RHOU: variants seen among roughly 807,000 people sequenced by gnomAD.
The protein encoded by RHOU is ras homolog family member U, also known as rho-related GTP-binding protein RhoU.
A neutral mutation model predicts 12.6 loss-of-function variants in RHOU; 8 were observed. The ratio of observed to expected loss-of-function variants is 0.64; its 90% CI spans 0.37 to 1.15. RHOU has a LOEUF of 1.15. RHOU is among the 50% of genes most tolerant of loss of function. The probability of loss-of-function intolerance (pLI) is 0.01; values close to 1 mark genes in which losing one functional copy is unlikely to be tolerated. For synonymous variants in RHOU, 161 were observed against 147.4 expected, an observed-to-expected ratio of 1.09 and a Z score of -0.67; for missense variants, 258 against 347.0, an observed-to-expected ratio of 0.74 and a Z score of 2.04.
At chr1:228,711,037 A>G in the RHOU span, among the ~76,000 whole-genome samples, 1 of 152,160 alleles carries the variant, frequency 6.6e-6, no homozygotes, top group African/African-American at 2.4e-5. Flanking sequence ...GAGCCAAATC[A>G]TGAGTGAACT....
At chr1:228,690,324 G>GT in the RHOU span, among the ~76,000 whole-genome samples, 300 of 144,794 alleles carry the variant, frequency 2.1e-3, 1 homozygote, top group South Asian at 0.02. Context: ...TAGTTTGTTT[G>GT]TTTTTTTTTT....
the RHOU span, among the ~76,000 whole-genome samples, chr1:228,696,770 C>G: frequency 6.6e-6 from 1 of 151,990 alleles, no homozygotes; most frequent in Non-Finnish European, 1.5e-5. Context: ...TGGTCTCGAA[C>G]TCCGAGGCTC....
rs1172373272 is a variant in RHOU, at chr1:228,738,958, T to TA, written c.321+1234dup. On this transcript the variant is annotated intron_variant, in intron 2 of 2. Transcript: ENST00000366691. The surrounding 1 kb of genome is among the most constrained non-coding windows in gnomAD (Gnocchi z 4.2). ...ATAGCAAGACATCATCTCTACAAAA[T>TA]AAAAAAATTAGCCTGGTGTGGTGGC... Among the ~76,000 whole-genome samples the TA allele has an allele frequency of 6.6e-6, 1 of 151,342 alleles. No individual in the cohort carries two copies. The highest frequency in any genetic ancestry group is 2.4e-5 in the African/African-American group (1 of 41,182).
chr1:228,672,140 T>C, the RHOU span, among the ~76,000 whole-genome samples: 2 of 152,244 alleles, frequency 1.3e-5, no homozygotes, highest in African/African-American at 2.4e-5. Context: ...GGCCTTCATT[T>C]TGATATAATT....
chr1:228,710,959 A>G, the RHOU span, among the ~76,000 whole-genome samples: 3 of 151,538 alleles, frequency 2.0e-5, no homozygotes, highest in South Asian at 2.1e-4. Flanking sequence ...CAACTTCAGC[A>G]AAGTCTCAGG....
In RHOU at chr1:228,738,975, T is replaced by C. The variant is rs1413587153; in HGVS notation, c.321+1244T>C. Among the ~76,000 whole-genome samples the C allele has an allele frequency of 6.6e-6, 1 of 151,862 alleles. No individual in the cohort carries two copies. Among genetic ancestry groups the C allele is most frequent in the African/African-American group, 2.4e-5 (1 of 41,328 alleles). On this transcript the variant is annotated intron_variant, in intron 2 of 2. Transcript: ENST00000366691. This position sits in a 1 kb window ranked among gnomAD's most constrained non-coding sequence, Gnocchi z 4.2. ...CTACAAAATAAAAAAATTAGCCTGG[T>C]GTGGTGGCACTGTCTGTAGTCCCAG...
the RHOU span, among the ~76,000 whole-genome samples, chr1:228,714,194 G>A: frequency 6.6e-6 from 1 of 152,002 alleles, no homozygotes; most frequent in African/African-American, 2.4e-5. Flanking sequence ...CTTGGCCATG[G>A]TGTATTATTT....
chr1:228,668,524 G>A, the RHOU span, among the ~76,000 whole-genome samples: 2 of 152,142 alleles, frequency 1.3e-5, no homozygotes, highest in Non-Finnish European at 2.9e-5. Flanking sequence ...GCTGGTGTCG[G>A]AGAAATGGTC....
the RHOU span, chr1:228,650,267 C>T: frequency 5.0e-5 from 23 of 460,622 alleles, no homozygotes; most frequent in African/African-American, 7.9e-5. Flanking sequence ...GGGTCGCTGG[C>T]GCCAGTGTGC....
chr1:228,674,690 A>G, the RHOU span, among the ~76,000 whole-genome samples: 1 of 150,608 alleles, frequency 6.6e-6, no homozygotes, highest in African/African-American at 2.4e-5. Flanking sequence ...TTCCTACCAC[A>G]AGGTCATGAC....
the RHOU span, among the ~76,000 whole-genome samples, chr1:228,708,667 A>C: frequency 3.9e-5 from 6 of 152,124 alleles, no homozygotes; most frequent in Admixed American, 6.5e-5. Context: ...AGCACTAAAC[A>C]TGGAAAGGAA....
the RHOU span, among the ~76,000 whole-genome samples, chr1:228,656,695 G>A: frequency 6.6e-6 from 1 of 151,730 alleles, no homozygotes; most frequent in South Asian, 2.1e-4. Flanking sequence ...ATATACAAAA[G>A]GAAATGAGAA....
At chr1:228,671,457 C>CT in the RHOU span, among the ~76,000 whole-genome samples, 1 of 151,876 alleles carries the variant, frequency 6.6e-6, no homozygotes, top group East Asian at 1.9e-4. Context: ...TGGGTCATGC[C>CT]TGTAATCCAA....
chr1:228,649,746 T>C, the RHOU span, among the ~76,000 whole-genome samples: 2 of 152,222 alleles, frequency 1.3e-5, no homozygotes, highest in Non-Finnish European at 2.9e-5. Flanking sequence ...CAAATGTTTA[T>C]AAAAGAGACA....
At chr1:228,663,610 C>CTTTTT in the RHOU span, among the ~76,000 whole-genome samples, 2 of 84,862 alleles carry the variant, frequency 2.4e-5, no homozygotes, top group East Asian at 3.5e-4. Flanking sequence ...TTTTTCTTTT[C>CTTTTT]TTTTCTTTTC....
At chr1:228,716,726 G>A in the RHOU span, among the ~76,000 whole-genome samples, 13 of 96,300 alleles carry the variant, frequency 1.3e-4, no homozygotes, top group Non-Finnish European at 2.0e-4. Context: ...ATGTGTGTGT[G>A]TATATATACA....
At chr1:228,730,963 G>C (rs1662484259), upstream of RHOU, among the ~76,000 whole-genome samples, 1 of 152,146 alleles carries the variant, frequency 6.6e-6, no homozygotes, top group Non-Finnish European at 1.5e-5. Flanking sequence ...TATATCAAAA[G>C]ATACAAAAGT....
chr1:228,673,153 A>G, the RHOU span, among the ~76,000 whole-genome samples: 1 of 152,224 alleles, frequency 6.6e-6, no homozygotes, highest in East Asian at 1.9e-4. Flanking sequence ...CAGATCAAGA[A>G]ATAGAACATT....
At chr1:228,670,145 G>A in the RHOU span, among the ~76,000 whole-genome samples, 1 of 152,204 alleles carries the variant, frequency 6.6e-6, no homozygotes, top group Non-Finnish European at 1.5e-5. Flanking sequence ...GGATGAATTA[G>A]AATCTTGTGG....
Sources: allele counts gnomAD v4.1 joint callset (sites outside exome capture counted in the v4.1 genomes callset), GRCh38; gene constraint gnomAD v4.1.1; non-coding constraint Gnocchi (gnomAD v3.1); transcripts MANE v1.5; gene names NCBI Gene and HGNC (gene_info 2026-07-23, HGNC 2026-07-21).